Variants in ATP8B4 observed in about 807,000 individuals in gnomAD.
ATP8B4 encodes probable phospholipid-transporting ATPase IM.
ATP8B4 carries 133 observed loss-of-function variants against 145.6 expected under a neutral mutation model. The observed-to-expected ratio is 0.91, with a 90% CI of 0.79 to 1.05. The LOEUF (loss-of-function observed/expected upper bound fraction) is 1.05, where lower values mean the gene tolerates loss of function less well. Ranked by LOEUF, ATP8B4 falls within the 50% of genes least tolerant of loss-of-function variation. ATP8B4 has a pLI of 0.00. For missense variants in ATP8B4, 1,458 were observed against 1,425.2 expected, an observed-to-expected ratio of 1.02 and a Z score of -0.37; for synonymous variants, 507 against 492.9, an observed-to-expected ratio of 1.03 and a Z score of -0.38.
At chr15:49,971,487 A>C (rs561648093) in intron 13 of ATP8B4, among the ~76,000 whole-genome samples, 36 of 152,356 alleles carry the variant, frequency 2.4e-4, no homozygotes, top group African/African-American at 8.7e-4. Context: ...TCTCAAAAGA[A>C]GACATTTATG....
chr15:50,030,936 A>G (rs781078186), intron 6 of ATP8B4, among the ~76,000 whole-genome samples: 25 of 152,210 alleles, frequency 1.6e-4, no homozygotes, highest in Non-Finnish European at 2.9e-4. Context: ...AAGAACTACA[A>G]TAATGTCACG....
chr15:49,932,146 T>C (rs1476389132), intron 15 of ATP8B4, among the ~76,000 whole-genome samples: 11 of 151,940 alleles, frequency 7.2e-5, no homozygotes, highest in Admixed American at 7.2e-4. Flanking sequence ...TTTATAGTCA[T>C]GTCCAAGATA....
chr15:50,073,269 T>C (rs552390167), intron 3 of ATP8B4, among the ~76,000 whole-genome samples: 80 of 151,878 alleles, frequency 5.3e-4, no homozygotes, highest in Admixed American at 3.2e-3. Flanking sequence ...TGCTGTGTGA[T>C]GTTCCTCTCC....
At chr15:49,983,519 C>A (rs2046334432) in intron 10 of ATP8B4, among the ~76,000 whole-genome samples, 10 of 152,280 alleles carry the variant, frequency 6.6e-5, no homozygotes, top group Admixed American at 5.9e-4. Flanking sequence ...CATCACCTCT[C>A]AACTGTGAAA....
chr15:49,919,935 A>G (rs1447248179), intron 18 of ATP8B4, among the ~76,000 whole-genome samples: 3 of 152,188 alleles, frequency 2.0e-5, no homozygotes, highest in Non-Finnish European at 4.4e-5. Context: ...GGGTAATAAA[A>G]CAAGGAGAAA....
At chr15:49,920,488 G>A (rs2040161411) in intron 17 of ATP8B4, 78 bp from the exon 18 acceptor site, 10 of 1,442,022 alleles carry the variant, frequency 6.9e-6, no homozygotes, top group Middle Eastern at 1.8e-4. Flanking sequence ...AATAATTGGT[G>A]AGAAATTTTT....
At chr15:50,028,227 C>A (rs2153588211) in intron 6 of ATP8B4, among the ~76,000 whole-genome samples, 1 of 152,320 alleles carries the variant, frequency 6.6e-6, no homozygotes. Flanking sequence ...GAGATCATTA[C>A]TCTTACTTTC....
chr15:50,121,778 C>T (rs960344035), upstream of ATP8B4, among the ~76,000 whole-genome samples: 2 of 152,070 alleles, frequency 1.3e-5, no homozygotes, highest in East Asian at 1.9e-4. Context: ...TTTCAAGAGG[C>T]CTTATTTTGT....
At chr15:49,936,273 C>G (rs2041726825) in intron 14 of ATP8B4, among the ~76,000 whole-genome samples, 1 of 152,098 alleles carries the variant, frequency 6.6e-6, no homozygotes, top group Non-Finnish European at 1.5e-5. Context: ...TCACTGTTTC[C>G]TCACCCCATG....
At chr15:50,004,276 C>T (rs543911169) in intron 7 of ATP8B4, among the ~76,000 whole-genome samples, 5 of 152,296 alleles carry the variant, frequency 3.3e-5, no homozygotes, top group South Asian at 4.1e-4. Flanking sequence ...GCGGTCAATG[C>T]GCTCATTGTC....
chr15:50,148,291 CATAA>C (rs1482920642), intron 1 of ATP8B4, among the ~76,000 whole-genome samples: 1 of 152,066 alleles, frequency 6.6e-6, no homozygotes, highest in Non-Finnish European at 1.5e-5. Context: ...ACATAAAAGA[CATAA>C]ATAATTATAT....
intron 23 of ATP8B4, among the ~76,000 whole-genome samples, chr15:49,893,192 A>G (rs2153424296): frequency 6.6e-6 from 1 of 152,346 alleles, no homozygotes; most frequent in East Asian, 1.9e-4. Context: ...CTTGGAGTCA[A>G]ATATAGTAGT....
intron 6 of ATP8B4, among the ~76,000 whole-genome samples, chr15:50,017,923 A>T (rs1465207753): frequency 6.6e-6 from 1 of 152,160 alleles, no homozygotes; most frequent in Non-Finnish European, 1.5e-5. Flanking sequence ...CTTCAAAATA[A>T]GTTGTAATGT....
intron 1 of ATP8B4, among the ~76,000 whole-genome samples, chr15:50,179,430 C>T (rs907875975): frequency 6.6e-6 from 1 of 152,070 alleles, no homozygotes; most frequent in Non-Finnish European, 1.5e-5. Flanking sequence ...TGTACAAGTA[C>T]AACTGTCTAT....
At chr15:50,087,352 A>ATTTATATATAACAGATATACATCTATATC (rs796843582) in intron 2 of ATP8B4, among the ~76,000 whole-genome samples, 2 of 108,152 alleles carry the variant, frequency 1.8e-5, no homozygotes, top group African/African-American at 7.9e-5. Context: ...ATAGATCTAT[A>ATTTATATATAACAGATATACATCTATATC]TATTATATAT....
chr15:50,166,644 G>A (rs2044602040), intron 1 of ATP8B4, among the ~76,000 whole-genome samples: 1 of 152,150 alleles, frequency 6.6e-6, no homozygotes, highest in South Asian at 2.1e-4. Flanking sequence ...CTAATGGCTG[G>A]ACAGAAACCT....
intron 23 of ATP8B4, among the ~76,000 whole-genome samples, chr15:49,891,209 T>C (rs1436311488): frequency 6.6e-6 from 1 of 151,906 alleles, no homozygotes; most frequent in African/African-American, 2.4e-5. Context: ...ATTCATACAC[T>C]TGCTTGCAGA....
chr15:49,897,966 C>T, intron 22 of ATP8B4, 102 bp downstream of exon 22: 1 of 1,319,128 alleles, frequency 7.6e-7, no homozygotes, highest in Non-Finnish European at 1.0e-6. Flanking sequence ...GAATCACTGG[C>T]AAAATTAAAT....
At chr15:49,990,713 C>T (rs1196717439) in intron 9 of ATP8B4, among the ~76,000 whole-genome samples, 2 of 151,944 alleles carry the variant, frequency 1.3e-5, no homozygotes, top group Admixed American at 1.3e-4. Context: ...ACTCAGTGCC[C>T]AATAGTCTAT....
Sources: gnomAD v4.1 joint callset for allele counts (sites outside exome capture counted in the v4.1 genomes callset) on GRCh38, gnomAD v4.1.1 for gene constraint, MANE v1.5 for transcripts, NCBI Gene and HGNC (gene_info 2026-07-23, HGNC 2026-07-21) for gene names.